Variants in DLGAP2 observed in about 807,000 individuals in gnomAD.
The protein encoded by DLGAP2 is disks large-associated protein 2.
A neutral mutation model predicts 100.3 loss-of-function variants in DLGAP2; 26 were observed. That is an observed-to-expected ratio of 0.26 (90% confidence interval 0.19 to 0.36). The LOEUF is 0.36. Among genes scored for constraint, DLGAP2 ranks in the 10% least tolerant of loss-of-function variants. The probability of loss-of-function intolerance (pLI) is 1.00; values close to 1 mark genes in which losing one functional copy is unlikely to be tolerated. For synonymous variants in DLGAP2, 886 were observed against 630.1 expected (o/e 1.41, Z -6.08); for missense variants, 1,858 against 1,453.2 (o/e 1.28, Z -4.53).
chr8:1,536,335 C>T (rs1377276191), intron 4 of DLGAP2, among the ~76,000 whole-genome samples: 1 of 152,134 alleles, frequency 6.6e-6, no homozygotes, highest in African/African-American at 2.4e-5. Context: ...AAATCAGCAC[C>T]ATGCCGACGA....
chr8:825,803 G>C (rs767746344), intron 1 of DLGAP2, among the ~76,000 whole-genome samples: 1 of 152,034 alleles, frequency 6.6e-6, no homozygotes, highest in Non-Finnish European at 1.5e-5. Flanking sequence ...GGATGAAAAA[G>C]GTATCTGTCA....
chr8:1,345,776 C>G (rs1165432726), intron 3 of DLGAP2, among the ~76,000 whole-genome samples: 2 of 152,024 alleles, frequency 1.3e-5, no homozygotes, highest in African/African-American at 2.4e-5. Flanking sequence ...GGCTTTTTTT[C>G]TTTGATCAGT....
At chr8:1,665,763 C>G (rs770007760) in intron 8 of DLGAP2, among the ~76,000 whole-genome samples, 1 of 152,234 alleles carries the variant, frequency 6.6e-6, no homozygotes. Flanking sequence ...CGGCCAGAGC[C>G]GTAGAATCTG....
chr8:1,341,469 C>A (rs371501688), intron 3 of DLGAP2, among the ~76,000 whole-genome samples: 12 of 152,098 alleles, frequency 7.9e-5, no homozygotes, highest in African/African-American at 2.7e-4. Context: ...CACATATAGG[C>A]GTATTTAATG....
intron 3 of DLGAP2, among the ~76,000 whole-genome samples, chr8:1,466,777 T>C (rs545953571): frequency 2.0e-4 from 30 of 152,210 alleles, no homozygotes; most frequent in African/African-American, 7.0e-4. Flanking sequence ...TGTGATGTGG[T>C]TGGTGAGACG....
chr8:1,423,953 T>A (rs1797171439), intron 3 of DLGAP2, among the ~76,000 whole-genome samples: 1 of 152,360 alleles, frequency 6.6e-6, no homozygotes, highest in African/African-American at 2.4e-5. Context: ...AAAATAGATG[T>A]ACTCTTGTGA....
intron 6 of DLGAP2, among the ~76,000 whole-genome samples, chr8:1,573,624 A>C (rs1802842064): frequency 6.7e-6 from 1 of 150,234 alleles, no homozygotes; most frequent in Non-Finnish European, 1.5e-5. Flanking sequence ...AGGAAACATC[A>C]CGTGCTGTTC....
At chr8:1,380,059 C>A (rs1796056764) in intron 3 of DLGAP2, 1 of 152,268 alleles carries the variant, frequency 6.6e-6, no homozygotes, top group African/African-American at 2.4e-5. Flanking sequence ...CTGCCCACTG[C>A]TGTGTCCTTG....
chr8:829,478 G>C (rs1251128741), intron 1 of DLGAP2, among the ~76,000 whole-genome samples: 1 of 152,116 alleles, frequency 6.6e-6, no homozygotes, highest in Non-Finnish European at 1.5e-5. Flanking sequence ...AGAATTCTAA[G>C]TTTTTTTAGT....
At chr8:1,182,129 G>A (rs1198933549) in intron 2 of DLGAP2, among the ~76,000 whole-genome samples, 1 of 152,240 alleles carries the variant, frequency 6.6e-6, no homozygotes, top group Admixed American at 6.5e-5. Context: ...TCCGTGTTCT[G>A]TTCCTGAGGT....
intron 1 of DLGAP2, among the ~76,000 whole-genome samples, chr8:860,729 G>A (rs531945521): frequency 1.3e-5 from 2 of 152,072 alleles, no homozygotes; most frequent in African/African-American, 4.8e-5. Flanking sequence ...AAACATAATC[G>A]TGTGCGTGTG....
intron 2 of DLGAP2, among the ~76,000 whole-genome samples, chr8:1,256,062 CCT>C (rs1563044528): frequency 1.8e-5 from 2 of 110,172 alleles, no homozygotes; most frequent in African/African-American, 7.1e-5. Context: ...TCTCATCCTG[CCT>C]GGGTGCTATG....
intron 3 of DLGAP2, among the ~76,000 whole-genome samples, chr8:1,272,147 A>C (rs571891510): frequency 1.2e-4 from 18 of 152,234 alleles, no homozygotes; most frequent in Non-Finnish European, 2.2e-4. Context: ...CGTTTTCTCA[A>C]ATAAAAAATA....
In DLGAP2 at chr8:1,671,230, G is replaced by A. The variant is rs182154911; in HGVS notation, c.2202+1446G>A. ...GAGGAGAAAATCCCAGAATGATTCC[G>A]TGCCCTCAGGAGCCTGCCCTGGTTC... On this transcript the variant is annotated intron_variant, in intron 10 of 14. Coordinates refer to ENST00000637795, the MANE Select transcript of DLGAP2 (RefSeq NM_001346810.2). Among the ~76,000 whole-genome samples the A allele has an allele frequency of 5.3e-5, 8 of 152,296 alleles. No homozygotes were observed. In the East Asian group the frequency reaches 5.8e-4, roughly 11 times the overall value.
At chr8:1,141,172 G>C (rs762392056) in intron 2 of DLGAP2, among the ~76,000 whole-genome samples, 4 of 152,172 alleles carry the variant, frequency 2.6e-5, no homozygotes, top group Admixed American at 6.5e-5. Flanking sequence ...GGGCTTTTAC[G>C]TGGGGGCTGG....
chr8:1,537,888 A>T (rs1801210818), intron 4 of DLGAP2, among the ~76,000 whole-genome samples: 1 of 152,260 alleles, frequency 6.6e-6, no homozygotes, highest in African/African-American at 2.4e-5. Flanking sequence ...GGGAGAGTTT[A>T]AGAAGATGCT....
At chr8:1,304,564 A>T (rs1800444732) in intron 3 of DLGAP2, among the ~76,000 whole-genome samples, 1 of 152,234 alleles carries the variant, frequency 6.6e-6, no homozygotes, top group African/African-American at 2.4e-5. Flanking sequence ...TTTGTTTTAA[A>T]AGAAGAAAGT....
chr8:949,659 C>T (rs1248092472), intron 2 of DLGAP2, among the ~76,000 whole-genome samples: 1 of 152,222 alleles, frequency 6.6e-6, no homozygotes, highest in Non-Finnish European at 1.5e-5. Flanking sequence ...GGTCCTCTTT[C>T]TCCTACATGT....
chr8:1,565,744 G>C lies in DLGAP2; in HGVS notation c.1292G>C (p.Arg431Thr). 1 of 1,613,822 alleles carries C rather than the reference G, an allele frequency of 6.2e-7. No homozygotes were observed. Among genetic ancestry groups the C allele is most frequent in the Non-Finnish European group, 8.5e-7 (1 of 1,179,836 alleles). Reference sequence around the variant, plus strand: ...GGCAAAGATGAGGAGATTCCCTGCAGGAGAATGAGAAGTGGGAGTTACATT... The same window carrying C: ...GGCAAAGATGAGGAGATTCCCTGCACGAGAATGAGAAGTGGGAGTTACATT... Reference protein sequence around the residue: ...TGGKDEEIPCRRMRSGSYIKA... With the variant: ...TGGKDEEIPCTRMRSGSYIKA... Residue 431 changes from arginine (R) to threonine (T), a missense_variant, in exon 6 of 15, where the codon AGG becomes ACG. Transcript: ENST00000637795.
Sources: allele counts gnomAD v4.1 joint callset (sites outside exome capture counted in the v4.1 genomes callset), GRCh38; gene constraint gnomAD v4.1.1; transcripts MANE v1.5; gene names NCBI Gene and HGNC (gene_info 2026-07-23, HGNC 2026-07-21).